ATF7: variants seen among roughly 807,000 people sequenced by gnomAD.
ATF7 encodes the protein cyclic AMP-dependent transcription factor ATF-7.
Under a neutral mutation model 50.4 loss-of-function variants are expected in ATF7, and 10 were observed. That is an observed-to-expected ratio of 0.20 (90% CI 0.12 to 0.34). The LOEUF (loss-of-function observed/expected upper bound fraction) is 0.34, where lower values mean the gene tolerates loss of function less well. ATF7 is among the 10% of genes least tolerant of loss of function. The pLI, the probability that ATF7 is intolerant of heterozygous loss-of-function variation, is 1.00. For synonymous variants in ATF7, 201 were observed against 226.4 expected (o/e 0.89, Z 1.01); for missense variants, 465 against 613.9 (o/e 0.76, Z 2.56).
chr12:53,597,469 G>A (rs1943211329), intron 2 of ATF7, among the ~76,000 whole-genome samples: 1 of 152,118 alleles, frequency 6.6e-6, no homozygotes, highest in Non-Finnish European at 1.5e-5. Context: ...TCTGGGCAAG[G>A]AGCAGATATT....
intron 1 of ATF7, 83 bp from the exon 2 acceptor site, chr12:53,601,104 C>T: frequency 9.7e-7 from 1 of 1,026,954 alleles, no homozygotes; most frequent in South Asian, 1.5e-5. Flanking sequence ...AAATATCAAC[C>T]CTAGAAACAG....
intron 2 of ATF7, among the ~76,000 whole-genome samples, chr12:53,564,537 C>A (rs1181534710): frequency 1.3e-5 from 2 of 152,144 alleles, no homozygotes; most frequent in Non-Finnish European, 2.9e-5. Context: ...TTGAATTTTA[C>A]AGGCAGAATA....
intron 2 of ATF7, among the ~76,000 whole-genome samples, chr12:53,555,660 G>A (rs1158604633): frequency 2.0e-5 from 3 of 151,430 alleles, no homozygotes; most frequent in Non-Finnish European, 2.9e-5. Flanking sequence ...ACAGGCATGC[G>A]TCACCACGCC....
At chr12:53,594,860 C>T (rs985842312) in intron 2 of ATF7, among the ~76,000 whole-genome samples, 3 of 148,992 alleles carry the variant, frequency 2.0e-5, no homozygotes, top group Non-Finnish European at 4.4e-5. Flanking sequence ...TGCACTCCAG[C>T]TTGGGTGACA....
intron 2 of ATF7, among the ~76,000 whole-genome samples, chr12:53,588,812 T>C (rs1163986230): frequency 6.6e-6 from 1 of 152,214 alleles, no homozygotes; most frequent in Non-Finnish European, 1.5e-5. Flanking sequence ...TGCAAAATGA[T>C]GGTGGTTTAC....
In ATF7 at chr12:53,513,033, T is replaced by C. The variant is rs1163605880; in HGVS notation, c.*4104A>G. On this transcript the variant is annotated 3_prime_UTR_variant, in exon 12 of 12. Transcript: ENST00000420353. ...GTAAAGTCAGTGAAACTATTGCTCA[T>C]AGCCACTTCTTACAGCTAAAACATC... The C allele has an allele frequency of 6.6e-6, 1 of 152,164 alleles. No individual in the cohort carries two copies. The highest frequency in any genetic ancestry group is 2.4e-5 in the African/African-American group (1 of 41,424). 9.4% of individuals were successfully genotyped at this position (152,164 alleles called of 1,614,324 possible). A position where few individuals can be genotyped will look rare whatever the true frequency, so the allele number is the denominator to read the frequency against.
chr12:53,580,403 G>A (rs1206218670), intron 2 of ATF7, among the ~76,000 whole-genome samples: 49 of 150,734 alleles, frequency 3.3e-4, no homozygotes, highest in African/African-American at 1.0e-3. Flanking sequence ...GGTGGCTCAC[G>A]CCTGTAATCC....
chr12:53,609,641 TA>T (rs74845346), intron 1 of ATF7, among the ~76,000 whole-genome samples: 8,335 of 133,022 alleles, frequency 0.063, 638 homozygotes, highest in African/African-American at 0.19. Flanking sequence ...CTGGGACTCT[TA>T]AAAAAAAAAA....
intron 2 of ATF7, among the ~76,000 whole-genome samples, chr12:53,591,593 T>G (rs1045598581): frequency 6.6e-6 from 1 of 152,216 alleles, no homozygotes; most frequent in African/African-American, 2.4e-5. Flanking sequence ...GAGCTTGTCA[T>G]TGTAACCAAA....
intron 11 of ATF7, among the ~76,000 whole-genome samples, chr12:53,518,882 CAAA>C (rs762151684): frequency 7.9e-6 from 1 of 126,564 alleles, no homozygotes. Flanking sequence ...CGTCTCTACT[CAAA>C]AAAAAAAAAA....
chr12:53,578,636 T>C (rs1942228920), intron 2 of ATF7, among the ~76,000 whole-genome samples: 1 of 151,538 alleles, frequency 6.6e-6, no homozygotes, highest in Non-Finnish European at 1.5e-5. Flanking sequence ...AAAAATAAAT[T>C]AGCTGGGCAT....
At chr12:53,618,947 G>T (rs1487469818) in intron 1 of ATF7, among the ~76,000 whole-genome samples, 1 of 151,704 alleles carries the variant, frequency 6.6e-6, no homozygotes, top group Non-Finnish European at 1.5e-5. Flanking sequence ...AGCTACTTGG[G>T]AGGCTGAGGC....
rs1195477222 is a variant in ATF7, at chr12:53,524,237, C to T, written c.1125+327G>A. Among the ~76,000 whole-genome samples the T allele has an allele frequency of 6.6e-6, 1 of 152,110 alleles. No individual in the cohort carries two copies. Among genetic ancestry groups the T allele is most frequent in the Non-Finnish European group, 1.5e-5 (1 of 68,012 alleles). On this transcript the variant is annotated intron_variant, in intron 10 of 11. Transcript: ENST00000420353. This position sits in a 1 kb window ranked among gnomAD's most constrained non-coding sequence, Gnocchi z 4.6. ...TTTTATTAAGCTGCATTATCTAGGG[C>T]AAACACATTTCCCTTTTGGTTTTCA...
At chr12:53,582,358 T>G (rs1456462817) in intron 2 of ATF7, among the ~76,000 whole-genome samples, 1 of 148,596 alleles carries the variant, frequency 6.7e-6, no homozygotes, top group Non-Finnish European at 1.5e-5. Context: ...ACTATAGGCC[T>G]GGCATAGTGC....
chr12:53,542,972 G>T (rs754930179), intron 4 of ATF7: 2 of 1,158,370 alleles, frequency 1.7e-6, no homozygotes, highest in Non-Finnish European at 2.1e-6. Context: ...GAAAAGAGTG[G>T]AATTTGGCAA....
At chr12:53,616,710 A>G (rs1427034600) in intron 1 of ATF7, among the ~76,000 whole-genome samples, 1 of 151,710 alleles carries the variant, frequency 6.6e-6, no homozygotes, top group Non-Finnish European at 1.5e-5. Context: ...TGGAAGGCTG[A>G]GGCGGGTGGA....
chr12:53,612,134 C>T (rs1044334517), intron 1 of ATF7, among the ~76,000 whole-genome samples: 1 of 151,216 alleles, frequency 6.6e-6, no homozygotes, highest in Non-Finnish European at 1.5e-5. Context: ...CACCACCACA[C>T]ACAGCTAATT....
chr12:53,555,385 A>G (rs971380107), intron 2 of ATF7, among the ~76,000 whole-genome samples: 9 of 151,430 alleles, frequency 5.9e-5, no homozygotes, highest in Non-Finnish European at 1.0e-4. Context: ...AACCAGGGGT[A>G]TGATATTTGT....
intron 2 of ATF7, among the ~76,000 whole-genome samples, chr12:53,561,882 A>G (rs1453007508): frequency 6.6e-6 from 1 of 152,230 alleles, no homozygotes; most frequent in Non-Finnish European, 1.5e-5. Context: ...TGTGTGAGCG[A>G]CATAATTTAT....
Sources: gnomAD v4.1 joint callset for allele counts (sites outside exome capture counted in the v4.1 genomes callset) on GRCh38, gnomAD v4.1.1 for gene constraint, Gnocchi (gnomAD v3.1) non-coding constraint, MANE v1.5 for transcripts, NCBI Gene and HGNC (gene_info 2026-07-23, HGNC 2026-07-21) for gene names.